Variants in FRMPD1 observed in about 807,000 individuals in gnomAD.
FRMPD1 encodes the protein FERM and PDZ domain containing 1, also known as FERM and PDZ domain-containing protein 1.
A neutral mutation model predicts 117.8 loss-of-function variants in FRMPD1; 76 were observed. That is an observed-to-expected ratio of 0.65 (90% CI 0.54 to 0.78). FRMPD1 has a LOEUF of 0.78. Ranked by LOEUF, FRMPD1 falls within the 30% of genes least tolerant of loss-of-function variation. FRMPD1 has a pLI of 0.00. For missense variants in FRMPD1, 1,786 were observed against 1,964.5 expected, an observed-to-expected ratio of 0.91 and a Z score of 1.72; for synonymous variants, 783 against 770.4, an observed-to-expected ratio of 1.02 and a Z score of -0.27.
At chr9:37,717,438 G>A (rs1202633455) in intron 5 of FRMPD1, among the ~76,000 whole-genome samples, 2 of 147,894 alleles carry the variant, frequency 1.4e-5, no homozygotes, top group African/African-American at 2.5e-5. Flanking sequence ...GGAGTACAGT[G>A]GTGCAATCTC....
chr9:37,726,455 T>G (rs984260544), intron 7 of FRMPD1, among the ~76,000 whole-genome samples: 1 of 152,128 alleles, frequency 6.6e-6, no homozygotes, highest in Non-Finnish European at 1.5e-5. Context: ...CCCAGCAGTT[T>G]AGGAGGCCGA....
rs770117806 is a variant in FRMPD1, at chr9:37,732,466, A to G, written c.995+26A>G. The G allele has an allele frequency of 5.7e-6, 9 of 1,577,974 alleles. No homozygotes were observed. In the Admixed American group the frequency reaches 1.5e-4, roughly 26 times the overall value. On this transcript the variant is annotated intron_variant, in intron 10 of 15. Transcript: ENST00000377765. Reference sequence around the variant, plus strand: ...GTGAGTGGCAGGGGATGGCAGCTGCATTGCATTTATAACTTGCTGGCCCCT... The same window carrying G: ...GTGAGTGGCAGGGGATGGCAGCTGCGTTGCATTTATAACTTGCTGGCCCCT...
the FRMPD1 span, among the ~76,000 whole-genome samples, chr9:37,629,985 G>A: frequency 1.3e-5 from 2 of 152,084 alleles, no homozygotes; most frequent in Non-Finnish European, 2.9e-5. Flanking sequence ...TCTGGGTTGC[G>A]GACTGCTGAC....
the FRMPD1 span, among the ~76,000 whole-genome samples, chr9:37,644,721 G>A: frequency 1.3e-5 from 2 of 152,140 alleles, no homozygotes; most frequent in African/African-American, 2.4e-5. Context: ...CATACCAGTC[G>A]CTTGAATTCT....
the FRMPD1 span, among the ~76,000 whole-genome samples, chr9:37,632,859 C>T: frequency 1.0e-4 from 15 of 150,408 alleles, no homozygotes; most frequent in Non-Finnish European, 1.8e-4. Flanking sequence ...GGGAGGGATG[C>T]TAGACAGGTT....
At chr9:37,718,647 C>T (rs1014122691) in intron 5 of FRMPD1, among the ~76,000 whole-genome samples, 9 of 151,826 alleles carry the variant, frequency 5.9e-5, no homozygotes, top group African/African-American at 2.2e-4. Flanking sequence ...ACTCTGAAGG[C>T]CAGAGAGCGG....
At chr9:37,648,211 A>G (rs541011584), upstream of FRMPD1, among the ~76,000 whole-genome samples, 6 of 152,324 alleles carry the variant, frequency 3.9e-5, no homozygotes, top group South Asian at 1.2e-3. Flanking sequence ...CCAAAATTAC[A>G]TAGGTTAAAA....
chr9:37,707,849 A>G (rs1822770320), intron 3 of FRMPD1, among the ~76,000 whole-genome samples: 2 of 152,206 alleles, frequency 1.3e-5, no homozygotes, highest in Admixed American at 6.5e-5. Context: ...AGGGGCAGTG[A>G]AAGTATTTGG....
intron 2 of FRMPD1, among the ~76,000 whole-genome samples, chr9:37,702,871 A>G (rs1254224684): frequency 6.6e-6 from 1 of 152,186 alleles, no homozygotes; most frequent in Non-Finnish European, 1.5e-5. Context: ...TTTGATGTAG[A>G]GTCTTCGAGG....
At chr9:37,683,255 C>T (rs1215127446) in intron 1 of FRMPD1, among the ~76,000 whole-genome samples, 1 of 152,212 alleles carries the variant, frequency 6.6e-6, no homozygotes, top group African/African-American at 2.4e-5. Context: ...AAATAGACTT[C>T]TTCTACTTCA....
chr9:37,672,477 C>A (rs1221480540), intron 1 of FRMPD1, among the ~76,000 whole-genome samples: 1 of 152,160 alleles, frequency 6.6e-6, no homozygotes, highest in East Asian at 1.9e-4. Context: ...TTATCAAATG[C>A]CTGGTACTGT....
At chr9:37,682,460 A>G (rs1184506370) in intron 1 of FRMPD1, among the ~76,000 whole-genome samples, 1 of 152,230 alleles carries the variant, frequency 6.6e-6, no homozygotes, top group Admixed American at 6.5e-5. Context: ...CAATTTTACA[A>G]TTGGCAGATA....
At position 37,740,511 on chromosome 9, in the gene FRMPD1, G is replaced by C; in HGVS notation, c.1983G>C (p.Leu661=). ...GTGGCTTCCTCTGTCTCCTGGACCT[G>C]GCCCAGAGAGCCAACCCCCAGTGCC... ...ETSGFLCLLD[L]AQRANPQCQK... The change falls in exon 15 of 16, where the codon CTG becomes CTC. Residue 661 remains leucine, a synonymous_variant. Coordinates refer to ENST00000377765, the MANE Select transcript of FRMPD1 (RefSeq NM_014907.3). This position sits in a 1 kb window ranked among gnomAD's most constrained non-coding sequence, Gnocchi z 4.2. 1 of 1,614,196 alleles carries C rather than the reference G, an allele frequency of 6.2e-7. No homozygotes were observed. The highest frequency in any genetic ancestry group is 8.5e-7 in the Non-Finnish European group (1 of 1,180,032).
intron 1 of FRMPD1, among the ~76,000 whole-genome samples, chr9:37,676,300 G>C (rs189130388): frequency 2.6e-5 from 4 of 152,078 alleles, no homozygotes; most frequent in African/African-American, 9.7e-5. Context: ...CTCGTGTCTC[G>C]GGGAGCATCT....
At chr9:37,620,742 T>C in the FRMPD1 span, among the ~76,000 whole-genome samples, 4 of 152,118 alleles carry the variant, frequency 2.6e-5, no homozygotes, top group African/African-American at 9.7e-5. Flanking sequence ...AATAATGAAA[T>C]ATCTTCTGGC....
At position 37,733,712 on chromosome 9, in the gene FRMPD1, T is replaced by C. The variant is rs772660042; in HGVS notation, c.1123-18T>C. 3.1e-6 allele frequency: 5 copies of C among 1,591,516 alleles called. No homozygotes were observed. Among genetic ancestry groups the C allele is most frequent in the South Asian group, 2.2e-5 (2 of 90,552 alleles). On this transcript the variant is annotated intron_variant, in intron 11 of 15. Coordinates refer to ENST00000377765, the MANE Select transcript of FRMPD1 (RefSeq NM_014907.3). ...AATGAATAACTCTGACTTCAAGTGT[T>C]TTTTTTTCTCTATTAAGCAACTTAT... is the stretch of plus-strand genomic sequence containing the variant.
intron 2 of FRMPD1, among the ~76,000 whole-genome samples, chr9:37,703,131 G>C (rs1162664557): frequency 1.3e-5 from 2 of 152,118 alleles, no homozygotes; most frequent in African/African-American, 4.8e-5. Context: ...ATCAGTTCAA[G>C]GAATACCGGT....
rs1206271296 is a variant in FRMPD1 at position 37,740,153 on chromosome 9, G to T, written c.1625G>T (p.Arg542Met). ...VDCVLEPLSD[R>M]RLVKLAPCRS... ...TGCGTACTCGAACCTCTCTCTGACA[G>T]GCGCCTGGTGAAACTGGCACCCTGC... The change falls in exon 15 of 16, where the codon AGG becomes ATG. Residue 542 changes from arginine to methionine, a missense_variant. Transcript: ENST00000377765. The surrounding 1 kb of genome is among the most constrained non-coding windows in gnomAD (Gnocchi z 4.2). 1 of 1,613,900 alleles carries T rather than the reference G, an allele frequency of 6.2e-7. No homozygotes were observed. Among genetic ancestry groups the T allele is most frequent in the Non-Finnish European group, 8.5e-7 (1 of 1,179,930 alleles).
At chr9:37,729,435 A>C (rs1823764868) in intron 7 of FRMPD1, among the ~76,000 whole-genome samples, 1 of 149,716 alleles carries the variant, frequency 6.7e-6, no homozygotes, top group Non-Finnish European at 1.5e-5. Flanking sequence ...CTCTAGAGAG[A>C]GAATAAGTCT....
Sources: allele counts gnomAD v4.1 joint callset (sites outside exome capture counted in the v4.1 genomes callset), GRCh38; gene constraint gnomAD v4.1.1; non-coding constraint Gnocchi (gnomAD v3.1); transcripts MANE v1.5; gene names NCBI Gene and HGNC (gene_info 2026-07-23, HGNC 2026-07-21).